PKHD1L1: variants seen among roughly 807,000 people sequenced by gnomAD.
The protein encoded by PKHD1L1 is PKHD1 like 1, also known as fibrocystin-L.
Under a neutral mutation model 462.9 loss-of-function variants are expected in PKHD1L1, and 434 were observed. The observed-to-expected ratio is 0.94, with a 90% CI of 0.87 to 1.02. The LOEUF is 1.02. Among genes scored for constraint, PKHD1L1 ranks in the 50% least tolerant of loss-of-function variants. PKHD1L1 has a pLI of 0.00. For missense variants in PKHD1L1, 5,202 were observed against 5,096.1 expected, an observed-to-expected ratio of 1.02 and a Z score of -0.63; for synonymous variants, 1,781 against 1,750.0, an observed-to-expected ratio of 1.02 and a Z score of -0.44.
chr8:109,368,543 TGTTATAG>T (rs1488823273), intron 2 of PKHD1L1, among the ~76,000 whole-genome samples: 1 of 152,240 alleles, frequency 6.6e-6, no homozygotes, highest in Non-Finnish European at 1.5e-5. Flanking sequence ...TTTGCATTTA[TGTTATAG>T]GTCTGGTTTA....
chr8:109,441,963 A>C (rs760984961), intron 34 of PKHD1L1, 44 bp from the exon 35 acceptor site: 80 of 1,465,892 alleles, frequency 5.5e-5, no homozygotes, highest in Non-Finnish European at 7.1e-5. Flanking sequence ...ATTATTAAGA[A>C]ATTCTCTTTT....
intron 67 of PKHD1L1, among the ~76,000 whole-genome samples, chr8:109,500,237 C>A (rs1819332155): frequency 6.6e-6 from 1 of 151,994 alleles, no homozygotes; most frequent in Non-Finnish European, 1.5e-5. Context: ...TTGGTGGTCA[C>A]CCTGCCATAG....
chr8:109,481,056 T>C (rs1184102361), intron 55 of PKHD1L1, among the ~76,000 whole-genome samples: 1 of 151,908 alleles, frequency 6.6e-6, no homozygotes, highest in Admixed American at 6.6e-5. Context: ...TGATAGCTAT[T>C]AACTATTAGT....
chr8:109,497,020 C>A lies in PKHD1L1; in HGVS notation c.10429C>A (p.Gln3477Lys), dbSNP rs747622688. ...TGGCCTTCCTGGATGTTCTCTTATACAAGGATTTACCATTTGGACATGCTG... is the reference window on the plus strand; with the variant it reads ...TGGCCTTCCTGGATGTTCTCTTATAAAAGGATTTACCATTTGGACATGCTG... ...QDGLPGCSLI[Q>K]GFTIWTCWDY... The change falls in exon 64 of 78, where the codon CAA becomes AAA. Residue 3477 changes from glutamine (Q) to lysine (K), a missense_variant. Physicochemically the swap from Gln to Lys is moderately conservative, Grantham distance 53 (BLOSUM62 1). Transcript: ENST00000378402. 1.1e-5 allele frequency: 17 copies of A among 1,613,436 alleles called. No homozygotes were observed. The highest frequency in any genetic ancestry group is 1.4e-5 in the Non-Finnish European group (17 of 1,179,584).
intron 77 of PKHD1L1, among the ~76,000 whole-genome samples, chr8:109,529,797 C>T (rs1054367937): frequency 6.6e-5 from 10 of 151,942 alleles, no homozygotes; most frequent in African/African-American, 1.9e-4. Context: ...TAATATATTA[C>T]TTTTAAGAGG....
At chr8:109,418,009 A>G (rs1276266062) in intron 21 of PKHD1L1, among the ~76,000 whole-genome samples, 3 of 152,234 alleles carry the variant, frequency 2.0e-5, no homozygotes, top group African/African-American at 7.2e-5. Flanking sequence ...AGTGGTTTGT[A>G]GTTGTAAATC....
intron 74 of PKHD1L1, 105 bp downstream of exon 74, chr8:109,522,442 G>C: frequency 8.0e-7 from 1 of 1,243,148 alleles, no homozygotes; most frequent in South Asian, 1.8e-5. Context: ...TAATTTAGCA[G>C]GCATGTCTTT....
At chr8:109,428,394 C>CT (rs1232599050) in intron 25 of PKHD1L1, among the ~76,000 whole-genome samples, 1 of 151,926 alleles carries the variant, frequency 6.6e-6, no homozygotes, top group Non-Finnish European at 1.5e-5. Context: ...AAATTCGTGA[C>CT]TTAAAGTGGA....
rs777210445 is a variant in PKHD1L1 at position 109,382,547 on chromosome 8, C to A, written c.393C>A (p.Ile131=). 1.6e-5 allele frequency: 25 copies of A among 1,611,994 alleles called. No homozygotes were observed. The South Asian group carries it at 2.8e-4, about 18-fold the overall frequency. The change falls in exon 4 of 78, where the codon ATC becomes ATA. Residue 131 remains isoleucine (I), a synonymous_variant. Coordinates refer to ENST00000378402, the MANE Select transcript of PKHD1L1 (RefSeq NM_177531.6). ...VTENNTCKGH[I]NSWECTFNAK... is the part of the protein sequence containing the mutation. ...AAAATAACACCTGCAAAGGTCACAT[C>A]AACAGCTGGGAATGTACCTTCAACG...
chr8:109,424,375 A>G (rs7015262), intron 23 of PKHD1L1, among the ~76,000 whole-genome samples: 60,499 of 151,992 alleles, frequency 0.4, 12,770 homozygotes, highest in African/African-American at 0.52. Flanking sequence ...TTCCAGGTTG[A>G]GGCTATTATG....
chr8:109,396,197 T>C, intron 11 of PKHD1L1, 60 bp downstream of exon 11: 1 of 1,102,366 alleles, frequency 9.1e-7, no homozygotes, highest in East Asian at 2.6e-5. Context: ...TGCTCTTTAA[T>C]AATTTGTAAT....
At chr8:109,483,318 T>C (rs1302207790) in intron 57 of PKHD1L1, among the ~76,000 whole-genome samples, 1 of 151,224 alleles carries the variant, frequency 6.6e-6, no homozygotes, top group East Asian at 1.9e-4. Flanking sequence ...GAACATTATG[T>C]GTGTGTGCAT....
intron 43 of PKHD1L1, among the ~76,000 whole-genome samples, chr8:109,453,935 G>A (rs1816677742): frequency 6.6e-6 from 1 of 152,004 alleles, no homozygotes; most frequent in Non-Finnish European, 1.5e-5. Context: ...ATCTTCCCTG[G>A]GATTTGATTT....
intron 13 of PKHD1L1, among the ~76,000 whole-genome samples, chr8:109,400,655 CAT>C (rs1249766904): frequency 6.6e-6 from 1 of 151,926 alleles, no homozygotes; most frequent in African/African-American, 2.4e-5. Context: ...TAGTTTTTCA[CAT>C]ATTAGTATTA....
chr8:109,400,053 T>A, intron 12 of PKHD1L1, 23 bp from the exon 13 acceptor site: 3 of 1,582,862 alleles, frequency 1.9e-6, no homozygotes, highest in Non-Finnish European at 2.6e-6. Context: ...GATGAAAGTC[T>A]TATTTTATTT....
In PKHD1L1 at chr8:109,442,075, C is replaced by A; in HGVS notation, c.4273C>A (p.His1425Asn). 1 of 1,613,466 alleles carries A rather than the reference C, an allele frequency of 6.2e-7. No homozygotes were observed. Among genetic ancestry groups the A allele is most frequent in the Non-Finnish European group, 8.5e-7 (1 of 1,179,586 alleles). Residue 1425 changes from histidine (H) to asparagine (N), a missense_variant, in exon 35 of 78, where the codon CAT (histidine) becomes AAT (asparagine). Around this residue, in one of 3 missense-constraint regions of PKHD1L1, gnomAD observed 4,497 missense variants for 4,336.8 expected, o/e 1.04. Coordinates refer to ENST00000378402, the MANE Select transcript of PKHD1L1 (RefSeq NM_177531.6). ...NVSVGDTVAWHWQTHPFLRGI... is the reference protein window; with the variant it reads ...NVSVGDTVAWNWQTHPFLRGI... Reference sequence around the variant, plus strand: ...GTCTGTGGGGGACACAGTGGCATGGCATTGGCAAACACATCCGTTTCTTAG... The same window carrying A: ...GTCTGTGGGGGACACAGTGGCATGGAATTGGCAAACACATCCGTTTCTTAG...
intron 59 of PKHD1L1, 90 bp from the exon 60 acceptor site, chr8:109,489,862 A>T: frequency 1.2e-6 from 1 of 802,720 alleles, no homozygotes; most frequent in Non-Finnish European, 2.1e-6. Flanking sequence ...TTTTTTCATG[A>T]AAAATTTGAA....
At chr8:109,499,441 G>A (rs1003725835) in intron 67 of PKHD1L1, 1 of 152,182 alleles carries the variant, frequency 6.6e-6, no homozygotes, top group African/African-American at 2.4e-5. Flanking sequence ...TCCCAGAAAT[G>A]TGAAACAAAT....
chr8:109,447,819 CAT>C (rs1816236893), intron 38 of PKHD1L1, among the ~76,000 whole-genome samples: 1 of 152,214 alleles, frequency 6.6e-6, no homozygotes, highest in African/African-American at 2.4e-5. Flanking sequence ...CTCAGACATT[CAT>C]ACTTCCTAAC....
Sources: allele counts gnomAD v4.1 joint callset (sites outside exome capture counted in the v4.1 genomes callset), GRCh38; gene constraint gnomAD v4.1.1; regional missense constraint gnomAD v4.1.1; transcripts MANE v1.5; gene names NCBI Gene and HGNC (gene_info 2026-07-23, HGNC 2026-07-21).